The following CLDN8 variants were observed in gnomAD, a reference collection of about 807,000 sequenced individuals.
CLDN8 encodes claudin 8.
Under a neutral mutation model 2.2 loss-of-function variants are expected in CLDN8, and 2 were observed. That is an observed-to-expected ratio of 0.90 (90% confidence interval 0.37 to 2.82). The LOEUF is 2.82. CLDN8 is among the 30% of genes most tolerant of loss of function. The pLI is 0.10. For synonymous variants in CLDN8, 107 were observed against 104.8 expected (o/e 1.02, Z -0.13); for missense variants, 314 against 280.5 (o/e 1.12, Z -0.85).
In CLDN8 at chr21:30,215,604, T is replaced by C. The variant is rs1978947702; in HGVS notation, c.322A>G (p.Thr108Ala). 2 of 1,613,968 alleles carry C rather than the reference T, an allele frequency of 1.2e-6. No individual in the cohort carries two copies. The highest frequency in any genetic ancestry group is 1.7e-6 in the Non-Finnish European group (2 of 1,180,010). The change falls in exon 1 of 1, where the codon ACG becomes GCG. Residue 108 changes from threonine to alanine, a missense_variant. Transcript: ENST00000399899. Reference sequence around the variant, plus strand: ...GCCTTCACCTTCTCATTGTCCCCCGTGCACCTGGTGCATTTCATGCCAAGG... The same window carrying C: ...GCCTTCACCTTCTCATTGTCCCCCGCGCACCTGGTGCATTTCATGCCAAGG... ...AILGMKCTRC[T>A]GDNEKVKAHI...
In CLDN8 at chr21:30,215,609, C is replaced by G; in HGVS notation, c.317G>C (p.Arg106Thr). Reference protein sequence around the residue: ...MMAILGMKCTRCTGDNEKVKA... With the variant: ...MMAILGMKCTTCTGDNEKVKA... The stretch of plus-strand genomic sequence containing the variant: ...CACCTTCTCATTGTCCCCCGTGCAC[C>G]TGGTGCATTTCATGCCAAGGATGGC... Residue 106 changes from arginine (R) to threonine (T), a missense_variant, in exon 1 of 1, where the codon AGG becomes ACG. Coordinates refer to ENST00000399899, the MANE Select transcript of CLDN8 (RefSeq NM_199328.3). The G allele has an allele frequency of 6.2e-7, 1 of 1,614,070 alleles. No individual in the cohort carries two copies.
Position 30,214,553 on chromosome 21 carries a change from C to A in CLDN8, c.*695G>T, listed in dbSNP as rs1978883129. 1 of 151,016 alleles carries A rather than the reference C, an allele frequency of 6.6e-6. No homozygotes were observed. Among genetic ancestry groups the A allele is most frequent in the African/African-American group, 2.4e-5 (1 of 41,042 alleles). 9.4% of individuals were successfully genotyped at this position (151,016 alleles called of 1,614,324 possible). A position where few individuals can be genotyped will look rare whatever the true frequency, so the allele number is the denominator to read the frequency against. ...GCAGTTTGAATGCAAAGCCCCTTGA[C>A]AAAATATCTGCTTTTTAAAAATGTT... On this transcript the variant is annotated 3_prime_UTR_variant, in exon 1 of 1. Transcript: ENST00000399899.
In CLDN8 at chr21:30,215,301, A is replaced by G; in HGVS notation, c.625T>C (p.Tyr209His). Residue 209 changes from tyrosine to histidine, a missense_variant, in exon 1 of 1, where the codon TAT (tyrosine) becomes CAT (histidine). Tyr to His is a moderately conservative substitution (Grantham distance 83). Transcript: ENST00000399899. The stretch of plus-strand genomic sequence containing the variant: ...CTCGGTGACTTCTTTCCGGTGTGAT[A>G]ACTTTTTTGGGTTGTGCGATGGGAA... ...IPSHRTTQKS[Y>H]HTGKKSPSVY... The G allele has an allele frequency of 6.2e-7, 1 of 1,614,114 alleles. No homozygotes were observed. Among genetic ancestry groups the G allele is most frequent in the Non-Finnish European group, 8.5e-7 (1 of 1,180,012 alleles).
Position 30,215,928 on chromosome 21 carries a change from T to A in CLDN8, c.-3A>T, listed in dbSNP as rs772244445. On this transcript the variant is annotated 5_prime_UTR_variant, in exon 1 of 1. Transcript: ENST00000399899. The stretch of plus-strand genomic sequence containing the variant: ...ATTTCTAAGGCATGGGTTGCCATTA[T>A]CCTCTGGGATGAGTTTTAGCCAGCT... 2.4e-5 allele frequency: 38 copies of A among 1,591,790 alleles called. No homozygotes were observed. Among genetic ancestry groups the A allele is most frequent in the Non-Finnish European group, 6.0e-6 (7 of 1,169,312 alleles).
In CLDN8 at chr21:30,214,385, A is replaced by G. The variant is rs1232737915; in HGVS notation, c.*863T>C. 2 of 152,140 alleles carry G rather than the reference A, an allele frequency of 1.3e-5. No individual in the cohort carries two copies. The highest frequency in any genetic ancestry group is 4.8e-5 in the African/African-American group (2 of 41,450). The allele number at this position is 152,140 out of a possible 1,614,324, so 9.4% of individuals were successfully genotyped here. A position where few individuals can be genotyped will look rare whatever the true frequency, so the allele number is the denominator to read the frequency against. On this transcript the variant is annotated 3_prime_UTR_variant, in exon 1 of 1. Transcript: ENST00000399899. Reference sequence around the variant, plus strand: ...AAGTCTGTACTCAAATACTTATTAAAATATATCCATACATATATGATTTCT... The same window carrying G: ...AAGTCTGTACTCAAATACTTATTAAGATATATCCATACATATATGATTTCT...
rs918112280 is a variant in CLDN8 at position 30,214,619 on chromosome 21, G to C, written c.*629C>G. ...AAAAAAAAAGCCTCTGGGAGAAGAG[G>C]ATAAAGAAGTTAGGATTTCTAACTC... On this transcript the variant is annotated 3_prime_UTR_variant, in exon 1 of 1. Coordinates refer to ENST00000399899, the MANE Select transcript of CLDN8 (RefSeq NM_199328.3). The C allele has an allele frequency of 6.6e-6, 1 of 152,348 alleles. No homozygotes were observed. Among genetic ancestry groups the C allele is most frequent in the Non-Finnish European group, 1.5e-5 (1 of 67,992 alleles). 9.4% of individuals were successfully genotyped at this position (152,348 alleles called of 1,614,324 possible).
Position 30,215,193 on chromosome 21 carries a change from T to C in CLDN8, c.*55A>G. On this transcript the variant is annotated 3_prime_UTR_variant, in exon 1 of 1. Coordinates refer to ENST00000399899, the MANE Select transcript of CLDN8 (RefSeq NM_199328.3). ...TTTGGGGTCCATTTTGAGAAAGTAATATAGATTTTTGTCATTTGCATGGCT... is the reference window on the plus strand; with the variant it reads ...TTTGGGGTCCATTTTGAGAAAGTAACATAGATTTTTGTCATTTGCATGGCT... 6.8e-7 allele frequency: 1 copy of C among 1,464,548 alleles called. No individual in the cohort carries two copies. The highest frequency in any genetic ancestry group is 9.4e-7 in the Non-Finnish European group (1 of 1,058,538). The allele number at this position is 1,464,548 out of a possible 1,614,324, so 90.7% of individuals were successfully genotyped here.
Position 30,215,857 on chromosome 21 carries a change from AGCCACTG to A in CLDN8, c.62_68del (p.Thr21MetfsTer30). 1 of 1,613,940 alleles carries A rather than the reference AGCCACTG, an allele frequency of 6.2e-7. No homozygotes were observed. Among genetic ancestry groups the A allele is most frequent in the Middle Eastern group, 1.7e-4 (1 of 6,060 alleles). Reference sequence around the variant, plus strand: ...CTCTCCACTGAGGCATGACAGTGACAGCCACTGTGCCCACCATTCCAACACCACCAAG... The same window carrying A: ...CTCTCCACTGAGGCATGACAGTGACATGCCCACCATTCCAACACCACCAAG... On this transcript the variant is annotated frameshift_variant, in exon 1 of 1. Transcript: ENST00000399899. LOFTEE classifies it low-confidence loss of function (END_TRUNC).
rs1311863322 is a variant in CLDN8, at chr21:30,214,799, T to A, written c.*449A>T. 6.4e-6 allele frequency: 1 copy of A among 155,742 alleles called. No individual in the cohort carries two copies. The highest frequency in any genetic ancestry group is 2.4e-5 in the African/African-American group (1 of 41,486). 9.6% of individuals were successfully genotyped at this position (155,742 alleles called of 1,614,324 possible). A position where few individuals can be genotyped will look rare whatever the true frequency, so the allele number is the denominator to read the frequency against. On this transcript the variant is annotated 3_prime_UTR_variant, in exon 1 of 1. Transcript: ENST00000399899. ...ACCTTCTTCAACCCTATCCATGATT[T>A]CCCTGAAAAGCAATAGTTGAGTTCT...
chr21:30,215,955 G>C lies in CLDN8; in HGVS notation c.-30C>G, dbSNP rs761593161. 1 of 1,556,396 alleles carries C rather than the reference G, an allele frequency of 6.4e-7. No homozygotes were observed. Among genetic ancestry groups the C allele is most frequent in the Non-Finnish European group, 8.7e-7 (1 of 1,148,902 alleles). ...CTCTGGGATGAGTTTTAGCCAGCTG[G>C]ACTCCGGAACTGCTACTTCTGCTTT... On this transcript the variant is annotated 5_prime_UTR_variant, in exon 1 of 1. Transcript: ENST00000399899.
At position 30,215,917 on chromosome 21, in the gene CLDN8, G is replaced by A; in HGVS notation, c.9C>T (p.Thr3=). 6.2e-7 allele frequency: 1 copy of A among 1,603,292 alleles called. No individual in the cohort carries two copies. Among genetic ancestry groups the A allele is most frequent in the Non-Finnish European group, 8.5e-7 (1 of 1,174,466 alleles). ...ACAGCCCAGCGATTTCTAAGGCATGGGTTGCCATTATCCTCTGGGATGAGT... is the reference window on the plus strand; with the variant it reads ...ACAGCCCAGCGATTTCTAAGGCATGAGTTGCCATTATCCTCTGGGATGAGT... The part of the protein sequence containing the change: MA[T]HALEIAGLFL... Residue 3 remains threonine (T), a synonymous_variant, in exon 1 of 1, where the codon ACC becomes ACT. Transcript: ENST00000399899.
At position 30,216,060 on chromosome 21, in the gene CLDN8, A is replaced by T; in HGVS notation, c.-135T>A. 1.3e-6 allele frequency: 1 copy of T among 796,238 alleles called. No homozygotes were observed. The highest frequency in any genetic ancestry group is 2.0e-6 in the Non-Finnish European group (1 of 504,840). The allele number at this position is 796,238 out of a possible 1,614,324, so 49.3% of individuals were successfully genotyped here. A position where few individuals can be genotyped will look rare whatever the true frequency, so the allele number is the denominator to read the frequency against. On this transcript the variant is annotated 5_prime_UTR_variant, in exon 1 of 1. Transcript: ENST00000399899. The stretch of plus-strand genomic sequence containing the variant: ...TCGGAACCCAGTGGTTTTTCAAATA[A>T]GAGCTGCTTTGCTACTTCTGGCCAG...
At position 30,215,031 on chromosome 21, in the gene CLDN8, TTAC is replaced by T. The variant is rs1222899871; in HGVS notation, c.*214_*216del. The T allele has an allele frequency of 7.7e-6, 4 of 521,780 alleles. No individual in the cohort carries two copies. The highest frequency in any genetic ancestry group is 7.6e-5 in the African/African-American group (4 of 52,558). The allele number at this position is 521,780 out of a possible 1,614,324, so 32.3% of individuals were successfully genotyped here. The stretch of plus-strand genomic sequence containing the variant: ...TGCTTGAACCACCTTAGAAAACAAA[TTAC>T]TATACTTTCTAGAACAATCAAAGCA... On this transcript the variant is annotated 3_prime_UTR_variant, in exon 1 of 1. Coordinates refer to ENST00000399899, the MANE Select transcript of CLDN8 (RefSeq NM_199328.3).
chr21:30,214,403 T>C lies in CLDN8; in HGVS notation c.*845A>G, dbSNP rs958397608. 2 of 152,162 alleles carry C rather than the reference T, an allele frequency of 1.3e-5. No individual in the cohort carries two copies. Among genetic ancestry groups the C allele is most frequent in the African/African-American group, 4.8e-5 (2 of 41,448 alleles). The allele number at this position is 152,162 out of a possible 1,614,324, so 9.4% of individuals were successfully genotyped here. On this transcript the variant is annotated 3_prime_UTR_variant, in exon 1 of 1. Coordinates refer to ENST00000399899, the MANE Select transcript of CLDN8 (RefSeq NM_199328.3). ...TTATTAAAATATATCCATACATATATGATTTCTTGTCAAAATGCATCATTC... is the reference window on the plus strand; with the variant it reads ...TTATTAAAATATATCCATACATATACGATTTCTTGTCAAAATGCATCATTC...
Position 30,215,541 on chromosome 21 carries a change from T to C in CLDN8, c.385A>G (p.Thr129Ala), listed in dbSNP as rs685967. The stretch of plus-strand genomic sequence containing the variant: ...ACAGGGATGAGCACCACCATGCCCG[T>C]GATGATGAAGATGATTCCAGCCGTC... ...LLTAGIIFII[T>A]GMVVLIPVSW... The change falls in exon 1 of 1, where the codon ACG becomes GCG. Residue 129 changes from threonine (T) to alanine (A), a missense_variant. By Grantham distance (58) the Thr-to-Ala change is moderately conservative. Transcript: ENST00000399899. The C allele has an allele frequency of 0.049, 79,031 of 1,613,948 alleles. 2,700 individuals carry two copies. The highest frequency in any genetic ancestry group is 0.17 in the African/African-American group (12,533 of 74,958).
In CLDN8 at chr21:30,215,506, A is replaced by T. The variant is rs753906623; in HGVS notation, c.420T>A (p.Val140=). The T allele has an allele frequency of 5.6e-6, 9 of 1,614,080 alleles. No homozygotes were observed. Among genetic ancestry groups the T allele is most frequent in the Non-Finnish European group, 6.8e-6 (8 of 1,179,972 alleles). The part of the protein sequence containing the change: ...GMVVLIPVSW[V]ANAIIRDFYN... Reference sequence around the variant, plus strand: ...AGAAATCTCTGATGATGGCATTGGCAACCCAGCTCACAGGGATGAGCACCA... The same window carrying T: ...AGAAATCTCTGATGATGGCATTGGCTACCCAGCTCACAGGGATGAGCACCA... The change falls in exon 1 of 1, where the codon GTT becomes GTA. Residue 140 remains valine (V), a synonymous_variant. Transcript: ENST00000399899.
rs1171190908 is a variant in CLDN8, at chr21:30,215,589, T to A, written c.337A>T (p.Lys113Ter). Residue 113 changes from lysine to a stop codon, truncating the protein, a stop_gained, in exon 1 of 1, where the codon AAG becomes TAG. Coordinates refer to ENST00000399899, the MANE Select transcript of CLDN8 (RefSeq NM_199328.3). LOFTEE classifies it low-confidence loss of function (END_TRUNC). ...KCTRCTGDNEKVKAHILLTAG... is the reference protein window; with the variant it reads ...KCTRCTGDNE ...GTCAGCAGAATGTGAGCCTTCACCTTCTCATTGTCCCCCGTGCACCTGGTG... is the reference window on the plus strand; with the variant it reads ...GTCAGCAGAATGTGAGCCTTCACCTACTCATTGTCCCCCGTGCACCTGGTG... 1.9e-6 allele frequency: 3 copies of A among 1,614,066 alleles called. No individual in the cohort carries two copies. The highest frequency in any genetic ancestry group is 2.5e-6 in the Non-Finnish European group (3 of 1,179,990).
At position 30,215,181 on chromosome 21, in the gene CLDN8, T is replaced by G; in HGVS notation, c.*67A>C. ...AATCAAAGTTTCTTTGGGGTCCATT[T>G]TGAGAAAGTAATATAGATTTTTGTC... is the stretch of plus-strand genomic sequence containing the variant. On this transcript the variant is annotated 3_prime_UTR_variant, in exon 1 of 1. Transcript: ENST00000399899. 7.2e-7 allele frequency: 1 copy of G among 1,391,340 alleles called. No individual in the cohort carries two copies. Among genetic ancestry groups the G allele is most frequent in the Non-Finnish European group, 1.0e-6 (1 of 1,000,528 alleles). The allele number at this position is 1,391,340 out of a possible 1,614,324, so 86.2% of individuals were successfully genotyped here.
chr21:30,215,285 T>A lies in CLDN8; in HGVS notation c.641A>T (p.Lys214Met), dbSNP rs144192947. ...TTQKSYHTGK[K>M]SPSVYSRSQY... Reference sequence around the variant, plus strand: ...ACTTCTGGAGTAGACGCTCGGTGACTTCTTTCCGGTGTGATAACTTTTTTG... The same window carrying A: ...ACTTCTGGAGTAGACGCTCGGTGACATCTTTCCGGTGTGATAACTTTTTTG... The change falls in exon 1 of 1, where the codon AAG becomes ATG. Residue 214 changes from lysine (K) to methionine (M), a missense_variant. By Grantham distance (95) the Lys-to-Met change is moderately conservative. Coordinates refer to ENST00000399899, the MANE Select transcript of CLDN8 (RefSeq NM_199328.3). The A allele has an allele frequency of 1.2e-6, 2 of 1,614,028 alleles. No homozygotes were observed. The highest frequency in any genetic ancestry group is 2.7e-5 in the African/African-American group (2 of 74,966).
Sources: allele counts gnomAD v4.1 joint callset, GRCh38; gene constraint gnomAD v4.1.1; transcripts MANE v1.5; gene names NCBI Gene and HGNC (gene_info 2026-07-23, HGNC 2026-07-21).